Variants in SLC6A15 observed in about 807,000 individuals in gnomAD.
SLC6A15 encodes the protein sodium-dependent neutral amino acid transporter B(0)AT2.
In SLC6A15, 33 loss-of-function variants were observed where a neutral mutation model predicts 68.5. The observed-to-expected ratio is 0.48, with a 90% confidence interval of 0.37 to 0.64. The LOEUF is 0.64. Ranked by LOEUF, SLC6A15 falls within the 30% of genes least tolerant of loss-of-function variation. The pLI, the probability that SLC6A15 is intolerant of heterozygous loss-of-function variation, is 0.00. For synonymous variants in SLC6A15, 347 were observed against 301.0 expected (o/e 1.15, Z -1.58); for missense variants, 747 against 874.3 (o/e 0.85, Z 1.84).
chr12:84,881,050 C>T (rs1871799045), intron 5 of SLC6A15: 1 of 171,746 alleles, frequency 5.8e-6, no homozygotes, highest in African/African-American at 2.4e-5. Context: ...AAAGAATAAA[C>T]AAGATAATGT....
chr12:84,895,306 AT>A lies in SLC6A15; in HGVS notation c.-188-2999del, dbSNP rs1288799818. On this transcript the variant is annotated intron_variant, in intron 1 of 11. Coordinates refer to ENST00000266682, the MANE Select transcript of SLC6A15 (RefSeq NM_182767.6). ...AATAAGATCATATAACTAAACAAGT[AT>A]TTTGCACTTAGATGTTTTCATTTTT... Among the ~76,000 whole-genome samples the A allele has an allele frequency of 5.7e-5, 7 of 122,810 alleles. No homozygotes were observed. The Admixed American group carries it at 5.8e-4, about 10-fold the overall frequency. The allele number at this position is 122,810 out of a possible 152,430, so 80.6% of individuals were successfully genotyped here.
chr12:84,869,072 G>T (rs904751829), intron 9 of SLC6A15, among the ~76,000 whole-genome samples: 2 of 152,114 alleles, frequency 1.3e-5, no homozygotes, highest in African/African-American at 4.8e-5. Flanking sequence ...ACATGCACAT[G>T]CACAAACACA....
Position 84,890,080 on chromosome 12 carries a change from A to T in SLC6A15, c.289+1752T>A, listed in dbSNP as rs189065280. Among the ~76,000 whole-genome samples, 24 of 152,294 alleles carry T rather than the reference A, an allele frequency of 1.6e-4. No homozygotes were observed. In the East Asian group the frequency reaches 4.1e-3, roughly 26 times the overall value. The stretch of plus-strand genomic sequence containing the variant: ...TCCAACAATTAGAAGACTCAATGCC[A>T]TACTGAATGGTGAGTACAATCTTTG... On this transcript the variant is annotated intron_variant, in intron 2 of 11. Coordinates refer to ENST00000266682, the MANE Select transcript of SLC6A15 (RefSeq NM_182767.6).
In SLC6A15 at chr12:84,867,964, T is replaced by C. The variant is rs374378225; in HGVS notation, c.1496-771A>G. 3 of 152,224 alleles carry C rather than the reference T, an allele frequency of 2.0e-5. No homozygotes were observed. The South Asian group carries it at 6.2e-4, about 31-fold the overall frequency. The allele number at this position is 152,224 out of a possible 1,614,324, so 9.4% of individuals were successfully genotyped here. On this transcript the variant is annotated intron_variant, in intron 9 of 11. Coordinates refer to ENST00000266682, the MANE Select transcript of SLC6A15 (RefSeq NM_182767.6). ...ATTTTTGTTAGACTCTGTTCTTTTG[T>C]GCTCATTAGCAGAGAAGCCTCCAAA...
rs1444744106 is a variant in SLC6A15, at chr12:84,873,134, T to C, written c.1062A>G (p.Ala354=). Residue 354 remains alanine, a synonymous_variant, in exon 7 of 12, where the codon GCA becomes GCG. Transcript: ENST00000266682. ...TGACATTTGCTTTGAAGCCCAGAAC[T>C]GCAAACACCACCAATGTTGCCAGGA... ...TSVLATLVVF[A]VLGFKANVIN... 2 of 1,613,996 alleles carry C rather than the reference T, an allele frequency of 1.2e-6. No individual in the cohort carries two copies. Among genetic ancestry groups the C allele is most frequent in the African/African-American group, 1.3e-5 (1 of 74,914 alleles).
At chr12:84,883,380 G>A in intron 5 of SLC6A15, 1 of 1,011,644 alleles carries the variant, frequency 9.9e-7, no homozygotes, top group Non-Finnish European at 1.2e-6. Flanking sequence ...GATGTTCAGA[G>A]CTTTAAGAAA....
chr12:84,874,055 A>G lies in SLC6A15; in HGVS notation c.868-727T>C, dbSNP rs1270234766. Reference sequence around the variant, plus strand: ...AATTCAGATCAGCCAAGTGTGGCCCAGATCTTAATAAACAGTTCCTTTTGA... The same window carrying G: ...AATTCAGATCAGCCAAGTGTGGCCCGGATCTTAATAAACAGTTCCTTTTGA... On this transcript the variant is annotated intron_variant, in intron 6 of 11. Coordinates refer to ENST00000266682, the MANE Select transcript of SLC6A15 (RefSeq NM_182767.6). Among the ~76,000 whole-genome samples the G allele has an allele frequency of 2.6e-5, 4 of 152,214 alleles. No individual in the cohort carries two copies. In the East Asian group the frequency reaches 7.7e-4, roughly 29 times the overall value.
intron 5 of SLC6A15, chr12:84,883,642 T>C (rs73170077): frequency 0.012 from 17,071 of 1,452,662 alleles, 133 homozygotes; most frequent in Non-Finnish European, 0.014. Context: ...TAAGGAAAGA[T>C]TATAATTAAC....
chr12:84,904,719 C>T (rs1472736529), intron 1 of SLC6A15, among the ~76,000 whole-genome samples: 1 of 152,130 alleles, frequency 6.6e-6, no homozygotes, highest in Non-Finnish European at 1.5e-5. Context: ...ATGCTTAAGG[C>T]ATCTTGGATA....
rs775762149 is a variant in SLC6A15 at position 84,883,883 on chromosome 12, G to A, written c.732C>T (p.Ile244=). Residue 244 remains isoleucine (I), a synonymous_variant, in exon 5 of 12, where the codon ATC becomes ATT. Transcript: ENST00000266682. ...CTTTTCCAGAAGACTGAATGCCTTT[G>A]ATCATAGCCAAGCAAACCATGACCC... The part of the protein sequence containing the change: ...AAWVMVCLAM[I]KGIQSSGKII... 2 of 1,613,916 alleles carry A rather than the reference G, an allele frequency of 1.2e-6. No individual in the cohort carries two copies. Among genetic ancestry groups the A allele is most frequent in the Non-Finnish European group, 1.7e-6 (2 of 1,179,976 alleles).
intron 1 of SLC6A15, among the ~76,000 whole-genome samples, chr12:84,897,152 T>A (rs544305286): frequency 3.3e-5 from 5 of 151,956 alleles, no homozygotes; most frequent in African/African-American, 4.8e-5. Context: ...GTTGCAGAGA[T>A]CATACCACTG....
intron 1 of SLC6A15, among the ~76,000 whole-genome samples, chr12:84,911,091 T>A (rs1052037925): frequency 6.6e-6 from 1 of 152,292 alleles, no homozygotes; most frequent in Admixed American, 6.5e-5. Flanking sequence ...GTTTCAGCAA[T>A]GATCTTGCAG....
chr12:84,880,718 G>A (rs902326019), intron 5 of SLC6A15: 11 of 169,088 alleles, frequency 6.5e-5, no homozygotes, highest in South Asian at 1.9e-4. Flanking sequence ...CCCCTCCCCC[G>A]GGCCTTGACA....
intron 2 of SLC6A15, among the ~76,000 whole-genome samples, chr12:84,889,450 C>T (rs528958060): frequency 2.0e-5 from 3 of 150,776 alleles, no homozygotes; most frequent in South Asian, 2.1e-4. Context: ...ACAGAGATTG[C>T]GCCACTGAAC....
At chr12:84,888,269 A>C (rs1872215699) in intron 2 of SLC6A15, among the ~76,000 whole-genome samples, 1 of 151,408 alleles carries the variant, frequency 6.6e-6, no homozygotes, top group Non-Finnish European at 1.5e-5. Context: ...GTCGAAAAAA[A>C]AAAAAAAGCC....
At chr12:84,881,327 C>A in intron 5 of SLC6A15, 1 of 420,218 alleles carries the variant, frequency 2.4e-6, no homozygotes, top group Non-Finnish European at 3.2e-6. Context: ...TGAAGGCTTA[C>A]CACCATCACA....
intron 1 of SLC6A15, among the ~76,000 whole-genome samples, chr12:84,906,237 C>T (rs1873146949): frequency 6.6e-6 from 1 of 151,996 alleles, no homozygotes; most frequent in South Asian, 2.1e-4. Context: ...GTAACAAAAC[C>T]TGGATGGTAC....
intron 1 of SLC6A15, among the ~76,000 whole-genome samples, chr12:84,909,409 G>T (rs1187413699): frequency 6.6e-6 from 1 of 152,056 alleles, no homozygotes; most frequent in East Asian, 1.9e-4. Context: ...TTATTTTTAG[G>T]GCTTGTTGTT....
At chr12:84,869,459 C>G (rs540126720) in intron 9 of SLC6A15, among the ~76,000 whole-genome samples, 1,151 of 114,010 alleles carry the variant, frequency 0.01, 7 homozygotes, top group Non-Finnish European at 0.016. Flanking sequence ...AGCAAGACTC[C>G]GTCTCAAAAA....
Sources: allele counts gnomAD v4.1 joint callset (sites outside exome capture counted in the v4.1 genomes callset), GRCh38; gene constraint gnomAD v4.1.1; transcripts MANE v1.5; gene names NCBI Gene and HGNC (gene_info 2026-07-23, HGNC 2026-07-21).